Variants in NFATC3 observed in about 807,000 individuals in gnomAD.
NFATC3 encodes the protein nuclear factor of activated T-cells, cytoplasmic 3.
In NFATC3, 46 loss-of-function variants were observed where a neutral mutation model predicts 98.6. The observed-to-expected ratio is 0.47, with a 90% confidence interval of 0.37 to 0.60. The LOEUF is 0.60. NFATC3 is among the 20% of genes least tolerant of loss of function. The pLI is 0.00. For missense variants in NFATC3, 1,256 were observed against 1,295.5 expected (o/e 0.97, Z 0.47); for synonymous variants, 512 against 472.2 (o/e 1.08, Z -1.09).
In NFATC3 at chr16:68,122,120, G is replaced by T; in HGVS notation, c.237G>T (p.Gln79His). Residue 79 changes from glutamine (Q) to histidine (H), a missense_variant, in exon 2 of 10, where the codon CAG becomes CAT. By Grantham distance (24) the Gln-to-His change is conservative. Around this residue, in one of 3 missense-constraint regions of NFATC3, gnomAD observed 464 missense variants for 465.7 expected, o/e 1.00. Coordinates refer to ENST00000346183, the MANE Select transcript of NFATC3 (RefSeq NM_173165.3). ...SHSSVLSPSF[Q>H]LQSHKNYEGT... ...CTTCTGTTTTGTCACCATCGTTTCA[G>T]CTCCAAAGTCACAAAAACTATGAAG... 1 of 1,614,028 alleles carries T rather than the reference G, an allele frequency of 6.2e-7. No individual in the cohort carries two copies. The highest frequency in any genetic ancestry group is 8.5e-7 in the Non-Finnish European group (1 of 1,180,020).
chr16:68,216,224 G>C (rs1360982535), intron 9 of NFATC3, among the ~76,000 whole-genome samples: 1 of 152,162 alleles, frequency 6.6e-6, no homozygotes, highest in Non-Finnish European at 1.5e-5. Context: ...CAATGGACAA[G>C]ATTATTCAGA....
intron 3 of NFATC3, among the ~76,000 whole-genome samples, chr16:68,153,424 A>G (rs894844193): frequency 6.6e-6 from 1 of 151,128 alleles, no homozygotes. Context: ...TCCATCCCCC[A>G]AAAAAGAAAA....
intron 1 of NFATC3, among the ~76,000 whole-genome samples, chr16:68,100,708 A>AT (rs1363545815): frequency 6.7e-6 from 1 of 149,982 alleles, no homozygotes; most frequent in Non-Finnish European, 1.5e-5. Context: ...TTTTTTAATC[A>AT]TTCTGATGGG....
intron 1 of NFATC3, among the ~76,000 whole-genome samples, chr16:68,103,601 A>G (rs941220199): frequency 1.3e-5 from 2 of 152,168 alleles, no homozygotes; most frequent in African/African-American, 4.8e-5. Context: ...TGCTTTTACT[A>G]TTAAGAATCC....
chr16:68,145,200 G>A (rs1403912790), intron 3 of NFATC3, among the ~76,000 whole-genome samples: 4 of 151,170 alleles, frequency 2.6e-5, no homozygotes, highest in African/African-American at 9.7e-5. Flanking sequence ...CTGGAGTGCA[G>A]TGATGCGATC....
intron 3 of NFATC3, among the ~76,000 whole-genome samples, chr16:68,150,645 A>AC (rs2038270421): frequency 6.6e-6 from 1 of 152,202 alleles, no homozygotes; most frequent in Middle Eastern, 3.2e-3. Context: ...ATAATGCAGT[A>AC]CTATTAAGAG....
chr16:68,114,977 CT>C (rs2036194772), intron 1 of NFATC3, among the ~76,000 whole-genome samples: 1 of 152,156 alleles, frequency 6.6e-6, no homozygotes, highest in Non-Finnish European at 1.5e-5. Flanking sequence ...TGCTGAAAGG[CT>C]AATAGTCTTG....
intron 9 of NFATC3, among the ~76,000 whole-genome samples, chr16:68,197,098 C>T (rs1011837790): frequency 6.6e-6 from 1 of 151,772 alleles, no homozygotes; most frequent in Non-Finnish European, 1.5e-5. Context: ...ACTGGAATAT[C>T]TCGTTTTTAA....
intron 1 of NFATC3, among the ~76,000 whole-genome samples, chr16:68,113,980 G>A (rs2036126967): frequency 1.3e-5 from 2 of 152,172 alleles, no homozygotes. Context: ...CCCTTTCCGT[G>A]GGAACTTGGT....
chr16:68,089,700 G>A (rs1310263916), intron 1 of NFATC3, among the ~76,000 whole-genome samples: 2 of 152,072 alleles, frequency 1.3e-5, no homozygotes, highest in Non-Finnish European at 2.9e-5. Context: ...CATGTTTAAT[G>A]TATTCCATTA....
chr16:68,184,040 C>T (rs1036443764), intron 8 of NFATC3, among the ~76,000 whole-genome samples: 6 of 143,224 alleles, frequency 4.2e-5, no homozygotes, highest in African/African-American at 1.5e-4. Flanking sequence ...TGAGCTTTAA[C>T]AGAAAGGTAA....
intron 9 of NFATC3, among the ~76,000 whole-genome samples, chr16:68,214,948 T>C (rs921745269): frequency 6.6e-6 from 1 of 152,206 alleles, no homozygotes; most frequent in African/African-American, 2.4e-5. Flanking sequence ...AGAGCCAGTG[T>C]CTGTGTCTAG....
intron 4 of NFATC3, among the ~76,000 whole-genome samples, 183 bp downstream of exon 4, chr16:68,158,251 AGT>A (rs539983368): frequency 5.6e-4 from 86 of 152,294 alleles, no homozygotes; most frequent in African/African-American, 2.0e-3. Context: ...CAATTCAGTA[AGT>A]GTTTTTATAC....
In NFATC3 at chr16:68,191,715, C is replaced by T. The variant is rs764191271; in HGVS notation, c.3046C>T (p.Pro1016Ser). ...GGCAACTGTGAGCATTAAACCTGAACCAGAAGATCGAGAGCCTAACTTTGC... is the reference window on the plus strand; with the variant it reads ...GGCAACTGTGAGCATTAAACCTGAATCAGAAGATCGAGAGCCTAACTTTGC... The part of the protein sequence containing the change: ...DGATVSIKPE[P>S]EDREPNFATI... Residue 1016 changes from proline to serine, a missense_variant, in exon 9 of 10, where the codon CCA becomes TCA. Pro to Ser is a moderately conservative substitution (Grantham distance 74). This residue lies in a region of NFATC3 where 636 missense variants were observed against 617.3 expected (regional missense o/e 1.03). Transcript: ENST00000346183. 4.3e-6 allele frequency: 7 copies of T among 1,614,110 alleles called. No homozygotes were observed. The South Asian group carries it at 6.6e-5, about 15-fold the overall frequency.
At chr16:68,167,809 T>G (rs1056720792) in intron 5 of NFATC3, among the ~76,000 whole-genome samples, 1 of 119,400 alleles carries the variant, frequency 8.4e-6, no homozygotes, top group African/African-American at 3.3e-5. Flanking sequence ...CCGTATGTGT[T>G]CTTTTTTTTT....
intron 9 of NFATC3, among the ~76,000 whole-genome samples, chr16:68,211,823 A>G (rs1185501568): frequency 2.6e-5 from 4 of 152,206 alleles, no homozygotes; most frequent in Non-Finnish European, 4.4e-5. Context: ...TGCCCGGCAC[A>G]CTTTTGTAAA....
chr16:68,153,744 G>A (rs982221532), intron 3 of NFATC3, among the ~76,000 whole-genome samples: 5 of 152,032 alleles, frequency 3.3e-5, no homozygotes, highest in African/African-American at 9.7e-5. Context: ...CTCCCAAGTA[G>A]CTGGGACTAC....
chr16:68,147,755 GAAA>G (rs1191298518), intron 3 of NFATC3, among the ~76,000 whole-genome samples: 1 of 87,744 alleles, frequency 1.1e-5, no homozygotes, highest in African/African-American at 3.8e-5. Flanking sequence ...TCTGTGAACT[GAAA>G]AAAAAAAAAA....
At chr16:68,212,418 G>A (rs1490507018) in intron 9 of NFATC3, 1 of 152,154 alleles carries the variant, frequency 6.6e-6, no homozygotes, top group Non-Finnish European at 1.5e-5. Flanking sequence ...AAGTAGGTTA[G>A]GTCCTTTTAC....
Sources: allele counts gnomAD v4.1 joint callset (sites outside exome capture counted in the v4.1 genomes callset), GRCh38; gene constraint gnomAD v4.1.1; regional missense constraint gnomAD v4.1.1; transcripts MANE v1.5; gene names NCBI Gene and HGNC (gene_info 2026-07-23, HGNC 2026-07-21).